LRP1B: variants seen among roughly 807,000 people sequenced by gnomAD.
The protein encoded by LRP1B is LDL receptor related protein 1B, also known as low-density lipoprotein receptor-related protein 1B.
LRP1B carries 217 observed loss-of-function variants against 556.6 expected under a neutral mutation model. The observed-to-expected ratio is 0.39, with a 90% CI of 0.35 to 0.44. The LOEUF (loss-of-function observed/expected upper bound fraction) is 0.44, where lower values mean the gene tolerates loss of function less well. Among genes scored for constraint, LRP1B ranks in the 20% least tolerant of loss-of-function variants. The pLI is 1.00. For missense variants in LRP1B, 5,053 were observed against 5,620.8 expected (o/e 0.90, Z 3.23); for synonymous variants, 2,047 against 1,865.8 (o/e 1.10, Z -2.50).
intron 1 of LRP1B, among the ~76,000 whole-genome samples, chr2:142,086,835 G>C (rs540095601): frequency 6.6e-6 from 1 of 152,262 alleles, no homozygotes; most frequent in Non-Finnish European, 1.5e-5. Flanking sequence ...ACTGAATACT[G>C]TATCAGAGTT....
chr2:141,124,574 C>T (rs944585447), intron 7 of LRP1B, among the ~76,000 whole-genome samples: 1 of 149,616 alleles, frequency 6.7e-6, no homozygotes, highest in African/African-American at 2.5e-5. Context: ...CCCTTTTGAA[C>T]TAACCTAACT....
In LRP1B at chr2:141,925,740, C is replaced by T. The variant is rs551727085; in HGVS notation, c.83-115339G>A. On this transcript the variant is annotated intron_variant, in intron 1 of 90. Transcript: ENST00000389484. ...AACTCATGCTGCTAATATAGACATG[C>T]CTCTGGAAGCAATTTCTGGCTCTGC... Among the ~76,000 whole-genome samples the T allele has an allele frequency of 1.1e-4, 16 of 152,264 alleles. No individual in the cohort carries two copies. The South Asian group carries it at 3.3e-3, about 32-fold the overall frequency.
In LRP1B at chr2:140,492,654, A is replaced by G. The variant is rs776302407; in HGVS notation, c.9074T>C (p.Ile3025Thr). ...GGAGCCATCAGTGCTAATTTTCCTT[A>G]TCTCATGATGATCAGCAAGAATTAA... ...PFLILADHHE[I>T]RKISTDGSNY... Residue 3025 changes from isoleucine to threonine, a missense_variant, in exon 57 of 91, where the codon ATA becomes ACA. Ile to Thr is a moderately conservative substitution (Grantham distance 89). Transcript: ENST00000389484. 6.2e-7 allele frequency: 1 copy of G among 1,613,712 alleles called. No individual in the cohort carries two copies. Among genetic ancestry groups the G allele is most frequent in the Non-Finnish European group, 8.5e-7 (1 of 1,179,704 alleles).
At chr2:141,886,882 G>A (rs978725764) in intron 1 of LRP1B, among the ~76,000 whole-genome samples, 1 of 151,754 alleles carries the variant, frequency 6.6e-6, no homozygotes, top group African/African-American at 2.4e-5. Flanking sequence ...TACAGAAGTT[G>A]GTTGATATCG....
chr2:140,349,271 T>C (rs1165042266), intron 77 of LRP1B, among the ~76,000 whole-genome samples: 1 of 152,080 alleles, frequency 6.6e-6, no homozygotes, highest in Non-Finnish European at 1.5e-5. Context: ...AAAAATTATG[T>C]CAAAATTGAA....
At chr2:140,613,449 A>G (rs1344713040) in intron 41 of LRP1B, among the ~76,000 whole-genome samples, 1 of 146,134 alleles carries the variant, frequency 6.8e-6, no homozygotes, top group Non-Finnish European at 1.5e-5. Context: ...ATATAAATAT[A>G]TATATATCTC....
At chr2:141,136,542 G>C (rs1701497090) in intron 7 of LRP1B, among the ~76,000 whole-genome samples, 1 of 147,480 alleles carries the variant, frequency 6.8e-6, no homozygotes, top group African/African-American at 2.5e-5. Context: ...TATCTATCTA[G>C]TATAATTCAT....
chr2:140,236,876 C>T (rs1680728243), intron 89 of LRP1B, among the ~76,000 whole-genome samples: 1 of 150,892 alleles, frequency 6.6e-6, no homozygotes, highest in Non-Finnish European at 1.5e-5. Context: ...TACCTCAACA[C>T]ATTTGATTAG....
chr2:141,626,056 A>C (rs1007258720), intron 2 of LRP1B, among the ~76,000 whole-genome samples: 5 of 152,142 alleles, frequency 3.3e-5, no homozygotes, highest in African/African-American at 1.2e-4. Context: ...GGTTATAGAC[A>C]TACAGGGGTT....
intron 73 of LRP1B, 28 bp from the exon 74 acceptor site, chr2:140,358,144 T>A (rs2105135739): frequency 6.2e-7 from 1 of 1,600,778 alleles, no homozygotes; most frequent in Non-Finnish European, 8.5e-7. Context: ...AAATGATTAG[T>A]GCTTCACAGA....
At chr2:140,919,526 A>G (rs983799369) in intron 21 of LRP1B, among the ~76,000 whole-genome samples, 1 of 151,932 alleles carries the variant, frequency 6.6e-6, no homozygotes, top group Non-Finnish European at 1.5e-5. Context: ...CCAGGTTCTG[A>G]TTTCCAGTAA....
intron 41 of LRP1B, among the ~76,000 whole-genome samples, chr2:140,649,299 A>C (rs1458587137): frequency 3.3e-5 from 5 of 152,124 alleles, no homozygotes; most frequent in Non-Finnish European, 7.4e-5. Context: ...ATTTCTGTCC[A>C]TTTCATTCTC....
intron 80 of LRP1B, 75 bp from the exon 81 acceptor site, chr2:140,324,141 C>T (rs760125163): frequency 1.5e-4 from 133 of 885,638 alleles, no homozygotes; most frequent in East Asian, 5.5e-4. Flanking sequence ...TTATCCAAGA[C>T]GATATTGAAA....
chr2:141,105,788 A>G (rs747894016), intron 7 of LRP1B, among the ~76,000 whole-genome samples: 15 of 152,164 alleles, frequency 9.9e-5, no homozygotes, highest in Non-Finnish European at 1.6e-4. Flanking sequence ...CTTACATTGG[A>G]ATTAAAGTGA....
chr2:140,347,744 A>G (rs1349640161), intron 77 of LRP1B, among the ~76,000 whole-genome samples: 11 of 151,990 alleles, frequency 7.2e-5, no homozygotes, highest in African/African-American at 2.2e-4. Flanking sequence ...TCCCTTGTCT[A>G]TTGATTCAGA....
intron 1 of LRP1B, among the ~76,000 whole-genome samples, chr2:141,910,330 A>T (rs559298736): frequency 6.6e-6 from 1 of 152,204 alleles, no homozygotes; most frequent in East Asian, 1.9e-4. Flanking sequence ...CCAAACTGAC[A>T]GCCATTAAGA....
rs116733649 is a variant in LRP1B at position 140,668,440 on chromosome 2, T to C, written c.6799+31810A>G. ...TATCTGAATTTAAGTAAAAAAATCA[T>C]AATACATGTAACAATGGAGATTTAC... On this transcript the variant is annotated intron_variant, in intron 41 of 90. Transcript: ENST00000389484. 9.2e-3 allele frequency among the ~76,000 whole-genome samples: 1,395 copies of C among 150,988 alleles called. 22 individuals are homozygous for C. The highest frequency in any genetic ancestry group is 0.032 in the African/African-American group (1,302 of 41,162).
At chr2:140,654,196 G>A (rs1178644508) in intron 41 of LRP1B, among the ~76,000 whole-genome samples, 1 of 152,054 alleles carries the variant, frequency 6.6e-6, no homozygotes, top group East Asian at 1.9e-4. Flanking sequence ...AAACATGAGT[G>A]TTTAATTTTC....
rs1558962131 is a variant in LRP1B, at chr2:141,920,288, G to GC, written c.83-109888_83-109887insG. On this transcript the variant is annotated intron_variant, in intron 1 of 90. Transcript: ENST00000389484. ...TTTTCTTCTTTTTTTTTGGGGGGGG[G>GC]TGGTAGGGATAATCATTTATTTCAA... Among the ~76,000 whole-genome samples, 42 of 120,826 alleles carry GC rather than the reference G, an allele frequency of 3.5e-4. 1 individual carries two copies. Among genetic ancestry groups the GC allele is most frequent in the African/African-American group, 1.1e-3 (39 of 35,398 alleles). 79.3% of individuals were successfully genotyped at this position (120,826 alleles called of 152,430 possible).
Sources: allele counts gnomAD v4.1 joint callset (sites outside exome capture counted in the v4.1 genomes callset), GRCh38; gene constraint gnomAD v4.1.1; transcripts MANE v1.5; gene names NCBI Gene and HGNC (gene_info 2026-07-23, HGNC 2026-07-21).